Variants in ARHGAP32 observed in about 807,000 individuals in gnomAD.
ARHGAP32 encodes rho GTPase-activating protein 32.
Under a neutral mutation model 186.5 loss-of-function variants are expected in ARHGAP32, and 51 were observed. The observed-to-expected ratio is 0.27, with a 90% CI of 0.22 to 0.35. ARHGAP32 has a LOEUF of 0.35. Among genes scored for constraint, ARHGAP32 ranks in the 10% least tolerant of loss-of-function variants. ARHGAP32 has a pLI of 1.00. For missense variants in ARHGAP32, 2,186 were observed against 2,623.5 expected (o/e 0.83, Z 3.64); for synonymous variants, 950 against 964.3 (o/e 0.99, Z 0.27).
chr11:129,236,653 T>C (rs1944939552), intron 1 of ARHGAP32, among the ~76,000 whole-genome samples: 1 of 152,240 alleles, frequency 6.6e-6, no homozygotes, highest in Admixed American at 6.5e-5. Flanking sequence ...GCTTTTTGGA[T>C]ACGTCTTTAG....
At chr11:129,181,316 TTGTC>T (rs1227043964) in intron 1 of ARHGAP32, among the ~76,000 whole-genome samples, 3 of 152,150 alleles carry the variant, frequency 2.0e-5, no homozygotes, top group Non-Finnish European at 2.9e-5. Context: ...TAGTCAATTT[TTGTC>T]TGTCTGTGTA....
chr11:129,261,151 A>G (rs1004300553), intron 1 of ARHGAP32, among the ~76,000 whole-genome samples: 2 of 152,124 alleles, frequency 1.3e-5, no homozygotes, highest in African/African-American at 4.8e-5. Flanking sequence ...AGCTGAAAGC[A>G]GCAAAAAGGA....
intron 5 of ARHGAP32, among the ~76,000 whole-genome samples, chr11:129,110,690 G>A (rs1205218077): frequency 3.3e-5 from 5 of 151,834 alleles, no homozygotes; most frequent in Admixed American, 1.3e-4. Context: ...TTTTTGTTTA[G>A]TTATTGTAAA....
At chr11:129,057,205 T>C (rs1233313264) in intron 10 of ARHGAP32, among the ~76,000 whole-genome samples, 2 of 152,116 alleles carry the variant, frequency 1.3e-5, no homozygotes, top group African/African-American at 4.8e-5. Flanking sequence ...TGTGCTCCAG[T>C]GTAACCTCCT....
At chr11:129,072,469 G>A (rs1940898867) in intron 6 of ARHGAP32, among the ~76,000 whole-genome samples, 1 of 152,134 alleles carries the variant, frequency 6.6e-6, no homozygotes, top group Admixed American at 6.5e-5. Flanking sequence ...TGGTTAACAA[G>A]TAAAAAGCTG....
chr11:129,017,797 T>G (rs1327757725), intron 11 of ARHGAP32, among the ~76,000 whole-genome samples: 2 of 152,182 alleles, frequency 1.3e-5, no homozygotes, highest in African/African-American at 4.8e-5. Flanking sequence ...ATTTCTTATG[T>G]TTCACCATTA....
At chr11:129,017,162 T>C (rs1354605291) in intron 11 of ARHGAP32, among the ~76,000 whole-genome samples, 1 of 152,068 alleles carries the variant, frequency 6.6e-6, no homozygotes, top group Non-Finnish European at 1.5e-5. Context: ...TCCTCATCTA[T>C]GAAAAAGTTT....
At chr11:129,028,334 G>C (rs1938954548) in intron 11 of ARHGAP32, among the ~76,000 whole-genome samples, 1 of 152,178 alleles carries the variant, frequency 6.6e-6, no homozygotes, top group Non-Finnish European at 1.5e-5. Context: ...GCGAGGGAAG[G>C]GGGAAGCCCA....
intron 2 of ARHGAP32, among the ~76,000 whole-genome samples, chr11:129,161,135 C>T (rs1219490189): frequency 6.6e-6 from 1 of 152,098 alleles, no homozygotes; most frequent in East Asian, 1.9e-4. Context: ...CCTTCTTACA[C>T]CTTATACAAA....
At chr11:129,042,205 C>T (rs1185769305) in intron 10 of ARHGAP32, among the ~76,000 whole-genome samples, 1 of 152,130 alleles carries the variant, frequency 6.6e-6, no homozygotes, top group Non-Finnish European at 1.5e-5. Flanking sequence ...GGCTGGAGTG[C>T]AGTGGCACAA....
At chr11:128,979,391 T>C (rs1201023109) in intron 18 of ARHGAP32, among the ~76,000 whole-genome samples, 1 of 152,218 alleles carries the variant, frequency 6.6e-6, no homozygotes, top group African/African-American at 2.4e-5. Context: ...TTAAATCAGA[T>C]ACAACCACAT....
chr11:129,246,672 C>CTA (rs933433215), intron 1 of ARHGAP32, among the ~76,000 whole-genome samples: 1 of 152,164 alleles, frequency 6.6e-6, no homozygotes, highest in African/African-American at 2.4e-5. Flanking sequence ...CTATTTTTGA[C>CTA]TATAGGTCAC....
intron 1 of ARHGAP32, among the ~76,000 whole-genome samples, chr11:129,271,267 A>G (rs1407470349): frequency 2.0e-5 from 3 of 151,696 alleles, no homozygotes; most frequent in Non-Finnish European, 4.4e-5. Context: ...AGCCTAGCCT[A>G]GCCTAGGTTT....
chr11:129,239,129 T>G (rs981153159), intron 1 of ARHGAP32, among the ~76,000 whole-genome samples: 1 of 152,182 alleles, frequency 6.6e-6, no homozygotes, highest in African/African-American at 2.4e-5. Context: ...GGATTACAAG[T>G]GTGAACCACT....
At chr11:129,037,033 C>A (rs1939371660) in intron 11 of ARHGAP32, among the ~76,000 whole-genome samples, 1 of 152,108 alleles carries the variant, frequency 6.6e-6, no homozygotes, top group Admixed American at 6.5e-5. Context: ...ATAACATCAA[C>A]ATACAAAAAT....
At chr11:129,080,966 TATG>T (rs1301761995) in intron 6 of ARHGAP32, among the ~76,000 whole-genome samples, 3 of 151,988 alleles carry the variant, frequency 2.0e-5, no homozygotes, top group African/African-American at 7.2e-5. Context: ...TCAAAGATAT[TATG>T]AACTACTTTA....
At chr11:129,035,705 G>A (rs947387231) in intron 11 of ARHGAP32, among the ~76,000 whole-genome samples, 7 of 152,040 alleles carry the variant, frequency 4.6e-5, no homozygotes, top group African/African-American at 4.8e-5. Context: ...TTAGCAGGTC[G>A]TGGCGGCATG....
chr11:129,049,929 T>C (rs1009326824), intron 10 of ARHGAP32, among the ~76,000 whole-genome samples: 3 of 152,228 alleles, frequency 2.0e-5, no homozygotes, highest in East Asian at 1.9e-4. Flanking sequence ...CTTAACGTCA[T>C]TGATGTTCAC....
At chr11:129,087,771 A>G (rs1299441455) in intron 6 of ARHGAP32, among the ~76,000 whole-genome samples, 3 of 152,240 alleles carry the variant, frequency 2.0e-5, no homozygotes, top group South Asian at 4.1e-4. Flanking sequence ...AAGTTCATCA[A>G]TGATAACAAA....
Sources: allele counts gnomAD v4.1 joint callset (sites outside exome capture counted in the v4.1 genomes callset), GRCh38; gene constraint gnomAD v4.1.1; transcripts MANE v1.5; gene names NCBI Gene and HGNC (gene_info 2026-07-23, HGNC 2026-07-21).